The following COL6A3 variants were observed in gnomAD, a reference collection of about 807,000 sequenced individuals.
COL6A3 encodes the protein collagen type VI alpha 3 chain.
In COL6A3, 137 loss-of-function variants were observed where a neutral mutation model predicts 274.1. The observed-to-expected ratio is 0.50, with a 90% CI of 0.44 to 0.58. The LOEUF (loss-of-function observed/expected upper bound fraction) is 0.58, where lower values mean the gene tolerates loss of function less well. Ranked by LOEUF, COL6A3 falls within the 20% of genes least tolerant of loss-of-function variation. The pLI, the probability that COL6A3 is intolerant of heterozygous loss-of-function variation, is 0.00. For synonymous variants in COL6A3, 1,650 were observed against 1,650.6 expected, an observed-to-expected ratio of 1.00 and a Z score of 0.01; for missense variants, 3,950 against 4,124.9, an observed-to-expected ratio of 0.96 and a Z score of 1.16.
intron 27 of COL6A3, 110 bp from the exon 28 acceptor site, chr2:237,350,319 C>T: frequency 1.1e-6 from 1 of 929,400 alleles, no homozygotes; most frequent in Non-Finnish European, 1.7e-6. Context: ...CTGACTTCAC[C>T]TTTGAGATTT....
Position 237,336,186 on chromosome 2 carries a change from G to A in COL6A3, c.8914C>T (p.Pro2972Ser), listed in dbSNP as rs1256198664. The change falls in exon 40 of 44, where the codon CCA (proline) becomes TCA (serine). Residue 2972 changes from proline (P) to serine (S), a missense_variant. Coordinates refer to ENST00000295550, the MANE Select transcript of COL6A3 (RefSeq NM_004369.4). The part of the protein sequence containing the change: ...PVATKPEVPR[P>S]QAAKPAATKP... ...GTGGCAGCTGGTTTGGCTGCCTGTG[G>A]CCTAGGGACCTCAGGCTTGGTCGCC... 6.2e-7 allele frequency: 1 copy of A among 1,613,740 alleles called. No homozygotes were observed. The highest frequency in any genetic ancestry group is 8.5e-7 in the Non-Finnish European group (1 of 1,179,990).
rs2077991059 is a variant in COL6A3 at position 237,381,068 on chromosome 2, T to A, written c.1744A>T (p.Ile582Phe). ...LKRSSIMAFA[I>F]GNKGADQAEL... ...GCCTGATCGGCACCCTTGTTCCCAA[T>A]GGCAAAGGCCATTATGCTGCTTCTC... The change falls in exon 5 of 44, where the codon ATT becomes TTT. Residue 582 changes from isoleucine (I) to phenylalanine (F), a missense_variant. This residue lies in a region of COL6A3 where 1,934 missense variants were observed against 1,984.3 expected (regional missense o/e 0.97). Transcript: ENST00000295550. The A allele has an allele frequency of 1.2e-6, 2 of 1,614,100 alleles. No individual in the cohort carries two copies. Among genetic ancestry groups the A allele is most frequent in the African/African-American group, 1.3e-5 (1 of 74,946 alleles).
chr2:237,380,931 G>A lies in COL6A3; in HGVS notation c.1881C>T (p.Leu627=), dbSNP rs546320355. ...CCACCATACCTTCAGGGGTTCCAGA[G>A]AGGGTCCTGAGAGGTGCCAGCAAGC... ...LPGLLAPLRT[L]SGTPEVHSNK... is the part of the protein sequence containing the mutation. Residue 627 remains leucine (L), a synonymous_variant, in exon 5 of 44, where the codon CTC becomes CTT. Transcript: ENST00000295550. The A allele has an allele frequency of 1.4e-5, 23 of 1,614,080 alleles. No individual in the cohort carries two copies. In the South Asian group the frequency reaches 2.0e-4, roughly 14 times the overall value.
At chr2:237,409,386 G>T (rs1361715570) in intron 1 of COL6A3, among the ~76,000 whole-genome samples, 1 of 152,092 alleles carries the variant, frequency 6.6e-6, no homozygotes, top group Non-Finnish European at 1.5e-5. Context: ...ATGTTGGTGT[G>T]CTGGACCCAT....
chr2:237,352,145 A>G (rs550813802), intron 26 of COL6A3, among the ~76,000 whole-genome samples: 1 of 152,314 alleles, frequency 6.6e-6, no homozygotes, highest in South Asian at 2.1e-4. Flanking sequence ...CTCACTATAC[A>G]AAATACATAA....
chr2:237,333,575 G>A (rs369662070), intron 41 of COL6A3, 27 bp from the exon 42 acceptor site: 52 of 1,589,492 alleles, frequency 3.3e-5, no homozygotes, highest in African/African-American at 1.1e-4. Flanking sequence ...TATGCAACTC[G>A]TAGGTAAATC....
Position 237,361,239 on chromosome 2 carries a change from C to T in COL6A3, c.6157-65G>A. On this transcript the variant is annotated intron_variant, in intron 15 of 43. Transcript: ENST00000295550. The surrounding 1 kb of genome is among the most constrained non-coding windows in gnomAD (Gnocchi z 5.1). ...TCTTCTTTGCTCTACAGTAAGAATC[C>T]CTGTGGTCCCCCTTCATTTGGCAGA... 1.4e-6 allele frequency: 2 copies of T among 1,438,886 alleles called. No individual in the cohort carries two copies. The highest frequency in any genetic ancestry group is 1.4e-5 in the African/African-American group (1 of 71,272). 89.1% of individuals were successfully genotyped at this position (1,438,886 alleles called of 1,614,324 possible).
intron 1 of COL6A3, among the ~76,000 whole-genome samples, chr2:237,400,989 G>T (rs1330963555): frequency 6.6e-6 from 1 of 152,146 alleles, no homozygotes; most frequent in Non-Finnish European, 1.5e-5. Context: ...AAATAGCAAA[G>T]CTTGAGACCT....
Position 237,371,495 on chromosome 2 carries a change from G to T in COL6A3, c.4285+237C>A. On this transcript the variant is annotated intron_variant, in intron 9 of 43. Coordinates refer to ENST00000295550, the MANE Select transcript of COL6A3 (RefSeq NM_004369.4). The surrounding 1 kb of genome is among the most constrained non-coding windows in gnomAD (Gnocchi z 4.3). ...AACCTGTAGTCCTAGCTACTGAGGAGGCTGAAGTGGGAGGTTGGCTGGATC... is the reference window on the plus strand; with the variant it reads ...AACCTGTAGTCCTAGCTACTGAGGATGCTGAAGTGGGAGGTTGGCTGGATC... 1.3e-6 allele frequency: 1 copy of T among 768,342 alleles called. No individual in the cohort carries two copies. Among genetic ancestry groups the T allele is most frequent in the Non-Finnish European group, 1.9e-6 (1 of 528,052 alleles). 47.6% of individuals were successfully genotyped at this position (768,342 alleles called of 1,614,324 possible).
At chr2:237,331,447 G>A (rs968485713) in intron 42 of COL6A3, among the ~76,000 whole-genome samples, 1 of 152,056 alleles carries the variant, frequency 6.6e-6, no homozygotes, top group African/African-American at 2.4e-5. Context: ...TCCTAATTCT[G>A]GTTATCCATT....
Position 237,377,177 on chromosome 2 carries a change from G to A in COL6A3, c.2665C>T (p.Arg889Cys), listed in dbSNP as rs201327438. Reference protein sequence around the residue: ...QYSDDVKVESRFDEHQSKPEI... With the variant: ...QYSDDVKVESCFDEHQSKPEI... Reference sequence around the variant, plus strand: ...GGCTTACTCTGGTGCTCATCAAAACGGGACTCCACCTTGACATCATCGCTG... The same window carrying A: ...GGCTTACTCTGGTGCTCATCAAAACAGGACTCCACCTTGACATCATCGCTG... Residue 889 changes from arginine to cysteine, a missense_variant, in exon 7 of 44, where the codon CGT becomes TGT. Physicochemically the swap from Arg to Cys is radical, Grantham distance 180. Transcript: ENST00000295550. The A allele has an allele frequency of 3.3e-5, 54 of 1,614,114 alleles. No individual in the cohort carries two copies. In the South Asian group the frequency reaches 3.4e-4, roughly 10 times the overall value.
chr2:237,348,771 A>G, intron 28 of COL6A3, 108 bp from the exon 29 acceptor site: 2 of 936,804 alleles, frequency 2.1e-6, no homozygotes, highest in Non-Finnish European at 3.5e-6. Flanking sequence ...AGCTCCTGAA[A>G]TGTTTGCAGA....
intron 14 of COL6A3, 106 bp downstream of exon 14, chr2:237,363,147 C>CA: frequency 8.8e-7 from 1 of 1,131,308 alleles, no homozygotes; most frequent in Non-Finnish European, 1.3e-6. Flanking sequence ...ACCAAGGCCC[C>CA]CCCCCCACCT....
chr2:237,341,128 G>A lies in COL6A3; in HGVS notation c.7788C>T (p.Ser2596=), dbSNP rs1230497781. The A allele has an allele frequency of 1.9e-6, 3 of 1,614,170 alleles. No individual in the cohort carries two copies. Among genetic ancestry groups the A allele is most frequent in the South Asian group, 1.1e-5 (1 of 91,074 alleles). The part of the protein sequence containing the change: ...VCLDICNIDP[S]CGFGSWRPSF... ...AAGGCCTCCAACTGCCAAATCCACA[G>A]GATGGGTCGATGTTGCAGATGTCTA... Residue 2596 remains serine, a synonymous_variant, in exon 38 of 44, where the codon TCC becomes TCT. Transcript: ENST00000295550.
At position 237,366,766 on chromosome 2, in the gene COL6A3, T is replaced by C; in HGVS notation, c.5421A>G (p.Glu1807=). 6.2e-7 allele frequency: 1 copy of C among 1,614,234 alleles called. No individual in the cohort carries two copies. The highest frequency in any genetic ancestry group is 1.1e-5 in the South Asian group (1 of 91,088). Residue 1807 remains glutamate, a synonymous_variant, in exon 11 of 44, where the codon GAA becomes GAG. Coordinates refer to ENST00000295550, the MANE Select transcript of COL6A3 (RefSeq NM_004369.4). The part of the protein sequence containing the change: ...FRVGNVQELS[E]LSEQVLETLH... The stretch of plus-strand genomic sequence containing the variant: ...AAGTTTCCAAAACTTGCTCGCTCAG[T>C]TCGGACAGCTCCTGGACGTTGCCCA...
chr2:237,410,306 T>C (rs1261299079), intron 1 of COL6A3, among the ~76,000 whole-genome samples: 1 of 150,852 alleles, frequency 6.6e-6, no homozygotes, highest in Non-Finnish European at 1.5e-5. Context: ...TTTTCTTTTT[T>C]TTTTTTTTTT....
chr2:237,371,914 G>A lies in COL6A3; in HGVS notation c.4103C>T (p.Thr1368Met), dbSNP rs116505603. 4.2e-4 allele frequency: 674 copies of A among 1,613,758 alleles called. 1 individual carries two copies. The highest frequency in any genetic ancestry group is 5.1e-4 in the Non-Finnish European group (603 of 1,180,026). ...ELKQFGVAPF[T>M]IARNADQEEL... ...CTCCTGGTCTGCGTTCCTGGCGATC[G>A]TGAAAGGGGCCACGCCAAACTGCTT... The change falls in exon 9 of 44, where the codon ACG becomes ATG. Residue 1368 changes from threonine (T) to methionine (M), a missense_variant. Physicochemically the swap from Thr to Met is moderately conservative, Grantham distance 81. Transcript: ENST00000295550. This position sits in a 1 kb window ranked among gnomAD's most constrained non-coding sequence, Gnocchi z 4.3.
rs768711436 is a variant in COL6A3 at position 237,365,840 on chromosome 2, T to C, written c.5696A>G (p.Glu1899Gly). 21 of 1,614,002 alleles carry C rather than the reference T, an allele frequency of 1.3e-5. No individual in the cohort carries two copies. The African/African-American group carries it at 2.7e-4, about 21-fold the overall frequency. The change falls in exon 12 of 44, where the codon GAG becomes GGG. Residue 1899 changes from glutamate (E) to glycine (G), a missense_variant. Coordinates refer to ENST00000295550, the MANE Select transcript of COL6A3 (RefSeq NM_004369.4). Reference protein sequence around the residue: ...VVANTPSGPVEAFDFDEYQPE... With the variant: ...VVANTPSGPVGAFDFDEYQPE... ...CTGGTACTCGTCAAAGTCAAAGGCC[T>C]CCACCGGGCCCGAGGGCGTGTTGGC...
intron 32 of COL6A3, among the ~76,000 whole-genome samples, chr2:237,345,808 T>C (rs1214805414): frequency 6.6e-6 from 1 of 152,148 alleles, no homozygotes; most frequent in African/African-American, 2.4e-5. Flanking sequence ...CCCCAACACT[T>C]CACCTACTTA....
Sources: gnomAD v4.1 joint callset for allele counts (sites outside exome capture counted in the v4.1 genomes callset) on GRCh38, gnomAD v4.1.1 for gene constraint, gnomAD v4.1.1 regional missense constraint, Gnocchi (gnomAD v3.1) non-coding constraint, MANE v1.5 for transcripts, NCBI Gene and HGNC (gene_info 2026-07-23, HGNC 2026-07-21) for gene names.